The following SAMD5 variants were observed in gnomAD, a reference collection of about 807,000 sequenced individuals.
The protein encoded by SAMD5 is sterile alpha motif domain-containing protein 5.
A neutral mutation model predicts 11.3 loss-of-function variants in SAMD5; 13 were observed. The observed-to-expected ratio is 1.15, with a 90% CI of 0.75 to 1.83. The LOEUF (loss-of-function observed/expected upper bound fraction) is 1.83, where lower values mean the gene tolerates loss of function less well. Ranked by LOEUF, SAMD5 falls within the 40% of genes most tolerant of loss-of-function variation. The probability of loss-of-function intolerance (pLI) is 0.00; values close to 1 mark genes in which losing one functional copy is unlikely to be tolerated. For synonymous variants in SAMD5, 129 were observed against 111.3 expected, an observed-to-expected ratio of 1.16 and a Z score of -1.00; for missense variants, 255 against 239.1, an observed-to-expected ratio of 1.07 and a Z score of -0.44.
chr6:147,758,711 C>T, the SAMD5 span, among the ~76,000 whole-genome samples: 2 of 152,154 alleles, frequency 1.3e-5, no homozygotes, highest in Non-Finnish European at 2.9e-5. Flanking sequence ...TCATCAGCAT[C>T]TTTTACTTGC....
At chr6:147,705,026 A>G (rs1791306777) in intron 1 of SAMD5, among the ~76,000 whole-genome samples, 1 of 152,238 alleles carries the variant, frequency 6.6e-6, no homozygotes, top group Admixed American at 6.5e-5. Context: ...TAGGAGAAGA[A>G]GATTGGAACA....
rs145800312 is a variant in SAMD5 at position 147,597,420 on chromosome 6, G to A, written c.162+88033G>A. On this transcript the variant is annotated intron_variant, in intron 1 of 1. Coordinates refer to the SAMD5 transcript ENST00000566741. ...AAGAGCCCAGTTGTGGGTTTGCTGCGAGCAAAAATCTATTTGTAATTACTT... is the reference window on the plus strand; with the variant it reads ...AAGAGCCCAGTTGTGGGTTTGCTGCAAGCAAAAATCTATTTGTAATTACTT... Among the ~76,000 whole-genome samples the A allele has an allele frequency of 1.9e-3, 294 of 152,218 alleles. 1 individual carries two copies. Among genetic ancestry groups the A allele is most frequent in the African/African-American group, 6.5e-3 (269 of 41,534 alleles).
chr6:147,778,694 G>T, the SAMD5 span, among the ~76,000 whole-genome samples: 1 of 152,114 alleles, frequency 6.6e-6, no homozygotes, highest in Admixed American at 6.6e-5. Context: ...AAGTTAAACA[G>T]CCCCTGCTCC....
chr6:147,676,315 C>T (rs915667097), intron 1 of SAMD5, among the ~76,000 whole-genome samples: 2 of 152,084 alleles, frequency 1.3e-5, no homozygotes, highest in Admixed American at 1.3e-4. Context: ...GAACACTGAT[C>T]TTGCCATTCT....
At chr6:147,619,787 G>A (rs922989930) in intron 1 of SAMD5, among the ~76,000 whole-genome samples, 2 of 152,092 alleles carry the variant, frequency 1.3e-5, no homozygotes, top group African/African-American at 4.8e-5. Flanking sequence ...ATCACAAAGT[G>A]GAGCCTACTG....
chr6:147,659,921 G>A (rs1408654247), intron 1 of SAMD5, among the ~76,000 whole-genome samples: 1 of 152,126 alleles, frequency 6.6e-6, no homozygotes, highest in Non-Finnish European at 1.5e-5. Flanking sequence ...TTTGTCGAGA[G>A]GGAGGAGAGT....
intron 1 of SAMD5, among the ~76,000 whole-genome samples, chr6:147,616,277 ATTCATATATACTTCATATATAT>A (rs1789871441): frequency 8.2e-6 from 1 of 122,176 alleles, no homozygotes; most frequent in African/African-American, 5.3e-5. Context: ...ATATATATTT[ATTCATATATACTTCATATATAT>A]TTCATATATA....
the SAMD5 span, among the ~76,000 whole-genome samples, chr6:147,846,472 A>G: frequency 6.6e-6 from 1 of 152,208 alleles, no homozygotes; most frequent in African/African-American, 2.4e-5. Flanking sequence ...GAGTCAGTAA[A>G]GGGTACACTG....
chr6:147,766,414 G>A, the SAMD5 span, among the ~76,000 whole-genome samples: 597 of 152,098 alleles, frequency 3.9e-3, 4 homozygotes, highest in Middle Eastern at 0.054. Context: ...AAACACCAGG[G>A]ATAAAACATA....
At chr6:147,626,319 A>C (rs1790049606) in intron 1 of SAMD5, among the ~76,000 whole-genome samples, 1 of 152,052 alleles carries the variant, frequency 6.6e-6, no homozygotes, top group South Asian at 2.1e-4. Flanking sequence ...AAACAATTAT[A>C]GTCTAATATT....
the SAMD5 span, among the ~76,000 whole-genome samples, chr6:147,897,939 T>C: frequency 9.6e-6 from 1 of 104,594 alleles, no homozygotes; most frequent in East Asian, 2.5e-4. Context: ...AGTGAGATTT[T>C]TCTTAAAAAA....
At chr6:147,601,179 A>G (rs147583030) in intron 1 of SAMD5, among the ~76,000 whole-genome samples, 152 of 152,268 alleles carry the variant, frequency 1.0e-3, no homozygotes, top group African/African-American at 3.3e-3. Flanking sequence ...TCCATCTTTT[A>G]TTCTCCATCA....
chr6:147,862,165 T>A, the SAMD5 span, among the ~76,000 whole-genome samples: 5 of 152,234 alleles, frequency 3.3e-5, no homozygotes, highest in East Asian at 1.9e-4. Flanking sequence ...GTTTTTTTTT[T>A]AAATAGATAA....
chr6:147,690,394 T>A (rs1301647725), intron 1 of SAMD5, among the ~76,000 whole-genome samples: 1 of 152,222 alleles, frequency 6.6e-6, no homozygotes, highest in Non-Finnish European at 1.5e-5. Context: ...GAGTGGTGGC[T>A]CATGCCCATA....
intron 1 of SAMD5, among the ~76,000 whole-genome samples, chr6:147,673,586 T>C (rs1323329426): frequency 3.3e-5 from 5 of 151,524 alleles, no homozygotes; most frequent in Admixed American, 1.3e-4. Flanking sequence ...ACTTCCTCTA[T>C]TTATTGATGG....
At chr6:147,813,358 C>G in the SAMD5 span, among the ~76,000 whole-genome samples, 1 of 152,180 alleles carries the variant, frequency 6.6e-6, no homozygotes, top group Non-Finnish European at 1.5e-5. Context: ...ATTCTAGATA[C>G]CCAGACTGGT....
chr6:147,715,951 G>C (rs1340556199), intron 1 of SAMD5, among the ~76,000 whole-genome samples: 1 of 152,162 alleles, frequency 6.6e-6, no homozygotes, highest in South Asian at 2.1e-4. Context: ...ATTGGTCCAT[G>C]GGTGGCCATG....
At chr6:147,858,337 C>G in the SAMD5 span, among the ~76,000 whole-genome samples, 1 of 152,072 alleles carries the variant, frequency 6.6e-6, no homozygotes, top group Non-Finnish European at 1.5e-5. Context: ...AAATATTGCT[C>G]TCTGTTTTCA....
the SAMD5 span, among the ~76,000 whole-genome samples, chr6:147,865,858 G>T: frequency 6.6e-6 from 1 of 152,076 alleles, no homozygotes; most frequent in Non-Finnish European, 1.5e-5. Flanking sequence ...ATTTGGAGCA[G>T]AAAATGCATT....
Sources: allele counts gnomAD v4.1 joint callset (sites outside exome capture counted in the v4.1 genomes callset), GRCh38; gene constraint gnomAD v4.1.1; transcripts MANE v1.5; gene names NCBI Gene and HGNC (gene_info 2026-07-23, HGNC 2026-07-21).